The following ERC2 variants were observed in gnomAD, a reference collection of about 807,000 sequenced individuals.
ERC2 encodes the protein ELKS/RAB6-interacting/CAST family member 2, also known as ERC protein 2.
A neutral mutation model predicts 114.8 loss-of-function variants in ERC2; 42 were observed. The ratio of observed to expected loss-of-function variants is 0.37; its 90% CI spans 0.29 to 0.47. The LOEUF (loss-of-function observed/expected upper bound fraction) is 0.47, where lower values mean the gene tolerates loss of function less well. ERC2 is among the 20% of genes least tolerant of loss of function. ERC2 has a pLI of 0.99. For synonymous variants in ERC2, 454 were observed against 425.5 expected (o/e 1.07, Z -0.82); for missense variants, 939 against 1,150.7 (o/e 0.82, Z 2.66).
intron 1 of ERC2, among the ~76,000 whole-genome samples, chr3:56,454,472 A>T (rs1032546345): frequency 4.6e-5 from 7 of 152,338 alleles, no homozygotes; most frequent in Non-Finnish European, 8.8e-5. Flanking sequence ...AGCTATTTAT[A>T]CAACAGTGTT....
chr3:56,047,611 T>C (rs1010619186), intron 7 of ERC2, among the ~76,000 whole-genome samples: 1 of 152,208 alleles, frequency 6.6e-6, no homozygotes, highest in African/African-American at 2.4e-5. Flanking sequence ...ATGGGGAATA[T>C]TTGAAGTGAT....
At chr3:56,218,309 C>T (rs2049637689) in intron 3 of ERC2, among the ~76,000 whole-genome samples, 1 of 152,088 alleles carries the variant, frequency 6.6e-6, no homozygotes, top group Non-Finnish European at 1.5e-5. Context: ...AACAAACAAC[C>T]CCATCAACAA....
intron 13 of ERC2, among the ~76,000 whole-genome samples, chr3:55,917,670 T>C (rs942769574): frequency 4.6e-5 from 7 of 152,162 alleles, no homozygotes; most frequent in African/African-American, 1.7e-4. Context: ...GAATAACTGG[T>C]TATAGGTACA....
At position 55,583,530 on chromosome 3, in the gene ERC2, T is replaced by C. The variant is rs1423525225; in HGVS notation, c.*40-72254A>G. On this transcript the variant is annotated intron_variant, in intron 17 of 17. Coordinates refer to ENST00000288221, the MANE Select transcript of ERC2 (RefSeq NM_015576.3). ...CTCCCTCCCTCCCTCCCTCCCTTCC[T>C]TCCTTCCTTCCTTTCTTCCTTCCTT... is the stretch of plus-strand genomic sequence containing the variant. Among the ~76,000 whole-genome samples the C allele has an allele frequency of 7.2e-4, 40 of 55,646 alleles. 3 individuals carry two copies. Among genetic ancestry groups the C allele is most frequent in the East Asian group, 2.5e-3 (5 of 2,014 alleles). 36.5% of individuals were successfully genotyped at this position (55,646 alleles called of 152,430 possible). A position where few individuals can be genotyped will look rare whatever the true frequency, so the allele number is the denominator to read the frequency against.
intron 17 of ERC2, among the ~76,000 whole-genome samples, chr3:55,638,009 A>C (rs1474654945): frequency 6.6e-6 from 1 of 152,162 alleles, no homozygotes; most frequent in African/African-American, 2.4e-5. Flanking sequence ...ATTGAACCCA[A>C]TTCTGTTAGG....
At chr3:55,999,545 C>T (rs1428939217) in intron 10 of ERC2, among the ~76,000 whole-genome samples, 2 of 151,556 alleles carry the variant, frequency 1.3e-5, no homozygotes, top group East Asian at 1.9e-4. Context: ...TGTTATGTGG[C>T]CATATAGAAA....
At chr3:56,221,991 A>C (rs1423996329) in intron 3 of ERC2, among the ~76,000 whole-genome samples, 2 of 152,262 alleles carry the variant, frequency 1.3e-5, no homozygotes, top group Admixed American at 6.5e-5. Context: ...TGATTAAAAA[A>C]TAAAAACTGA....
At chr3:55,679,303 G>A (rs776574124) in intron 17 of ERC2, among the ~76,000 whole-genome samples, 3 of 152,116 alleles carry the variant, frequency 2.0e-5, no homozygotes, top group Non-Finnish European at 4.4e-5. Context: ...CCAAATGCAC[G>A]CCTTGGCATG....
intron 3 of ERC2, among the ~76,000 whole-genome samples, chr3:56,259,217 C>A (rs1253245078): frequency 6.6e-6 from 1 of 151,990 alleles, no homozygotes; most frequent in Non-Finnish European, 1.5e-5. Flanking sequence ...GGTGATCCAC[C>A]CACCGCAGCC....
chr3:56,288,248 CACAA>C (rs2054852377), intron 3 of ERC2, among the ~76,000 whole-genome samples: 1 of 152,114 alleles, frequency 6.6e-6, no homozygotes, highest in Non-Finnish European at 1.5e-5. Context: ...GGGGCATCAT[CACAA>C]ATGATGATGA....
intron 6 of ERC2, among the ~76,000 whole-genome samples, chr3:56,132,044 A>G (rs1387780241): frequency 6.6e-6 from 1 of 152,220 alleles, no homozygotes; most frequent in Admixed American, 6.5e-5. Context: ...ATTTCCAACC[A>G]TTTAAAAAAC....
chr3:55,866,536 A>G (rs1217669122), intron 14 of ERC2, among the ~76,000 whole-genome samples: 2 of 151,664 alleles, frequency 1.3e-5, no homozygotes, highest in Non-Finnish European at 3.0e-5. Context: ...AAGCAGCTTT[A>G]TATAACCCAA....
chr3:55,927,669 G>A (rs538628514), intron 13 of ERC2, among the ~76,000 whole-genome samples: 5 of 151,478 alleles, frequency 3.3e-5, no homozygotes, highest in African/African-American at 1.2e-4. Flanking sequence ...TCATCCTGTC[G>A]TGTTATCAAA....
chr3:55,952,136 AACACACAC>A (rs778299355), intron 12 of ERC2, among the ~76,000 whole-genome samples: 22 of 75,470 alleles, frequency 2.9e-4, no homozygotes, highest in African/African-American at 5.5e-4. Context: ...CCATCTCTAA[AACACACAC>A]ACACACACAC....
intron 6 of ERC2, among the ~76,000 whole-genome samples, chr3:56,116,329 T>G (rs1357437737): frequency 6.6e-6 from 1 of 152,128 alleles, no homozygotes; most frequent in Non-Finnish European, 1.5e-5. Context: ...TGCCATGAAA[T>G]TGTAAGTTAT....
At chr3:55,727,874 C>T (rs1263128791) in intron 15 of ERC2, among the ~76,000 whole-genome samples, 1 of 152,100 alleles carries the variant, frequency 6.6e-6, no homozygotes, top group African/African-American at 2.4e-5. Flanking sequence ...ATTAGTTCAA[C>T]CATGGAGAAA....
chr3:56,170,182 T>A (rs1013725367), intron 4 of ERC2, among the ~76,000 whole-genome samples: 1 of 152,240 alleles, frequency 6.6e-6, no homozygotes, highest in African/African-American at 2.4e-5. Context: ...TGCAAGAAGA[T>A]AAATCACAAA....
At chr3:55,654,412 G>A (rs182033591) in intron 17 of ERC2, among the ~76,000 whole-genome samples, 2 of 152,366 alleles carry the variant, frequency 1.3e-5, no homozygotes, top group East Asian at 3.9e-4. Context: ...TTGTTTCAGA[G>A]CTGAAGTTTC....
intron 2 of ERC2, among the ~76,000 whole-genome samples, chr3:56,418,916 C>G (rs1291129049): frequency 1.3e-5 from 2 of 152,212 alleles, no homozygotes; most frequent in African/African-American, 4.8e-5. Flanking sequence ...AGAGAGGTCA[C>G]ATCAATGGCT....
Sources: allele counts gnomAD v4.1 joint callset (sites outside exome capture counted in the v4.1 genomes callset), GRCh38; gene constraint gnomAD v4.1.1; transcripts MANE v1.5; gene names NCBI Gene and HGNC (gene_info 2026-07-23, HGNC 2026-07-21).